Variants in AFAP1L2 observed in about 807,000 individuals in gnomAD.
AFAP1L2 encodes actin filament-associated protein 1-like 2.
A neutral mutation model predicts 99.3 loss-of-function variants in AFAP1L2; 46 were observed. That is an observed-to-expected ratio of 0.46 (90% confidence interval 0.37 to 0.59). The LOEUF is 0.59. Ranked by LOEUF, AFAP1L2 falls within the 20% of genes least tolerant of loss-of-function variation. The pLI, the probability that AFAP1L2 is intolerant of heterozygous loss-of-function variation, is 0.00. For synonymous variants in AFAP1L2, 397 were observed against 419.1 expected, an observed-to-expected ratio of 0.95 and a Z score of 0.64; for missense variants, 959 against 1,034.9, an observed-to-expected ratio of 0.93 and a Z score of 1.01.
At chr10:114,320,426 C>T (rs1379782945) in intron 5 of AFAP1L2, among the ~76,000 whole-genome samples, 1 of 152,240 alleles carries the variant, frequency 6.6e-6, no homozygotes, top group Non-Finnish European at 1.5e-5. Flanking sequence ...ACCTGCATGT[C>T]ACACTGTTTG....
intron 1 of AFAP1L2, among the ~76,000 whole-genome samples, chr10:114,344,879 C>T (rs1364029687): frequency 6.6e-6 from 1 of 152,078 alleles, no homozygotes; most frequent in African/African-American, 2.4e-5. Context: ...GGCGGATCAC[C>T]TGAGATCAGG....
At chr10:114,345,636 C>T (rs753517960) in intron 1 of AFAP1L2, among the ~76,000 whole-genome samples, 2 of 152,180 alleles carry the variant, frequency 1.3e-5, no homozygotes, top group Non-Finnish European at 1.5e-5. Context: ...TGATGAGTAG[C>T]GGCACGGGGG....
At chr10:114,395,121 T>C (rs2057558328) in intron 1 of AFAP1L2, among the ~76,000 whole-genome samples, 3 of 152,248 alleles carry the variant, frequency 2.0e-5, no homozygotes, top group African/African-American at 7.2e-5. Flanking sequence ...CACTTCACCA[T>C]CCTTTATTCT....
chr10:114,325,660 G>A (rs966429083), intron 4 of AFAP1L2, among the ~76,000 whole-genome samples: 1 of 152,212 alleles, frequency 6.6e-6, no homozygotes, highest in Non-Finnish European at 1.5e-5. Flanking sequence ...CTCCTGCCTG[G>A]CAGCCAGGCC....
the AFAP1L2 span, among the ~76,000 whole-genome samples, chr10:114,281,953 C>T: frequency 6.6e-6 from 1 of 151,138 alleles, no homozygotes. Flanking sequence ...AAAGCTGTTG[C>T]TACAGTTTGG....
intron 4 of AFAP1L2, among the ~76,000 whole-genome samples, chr10:114,330,411 T>C (rs10885552): frequency 0.59 from 89,375 of 152,140 alleles, 31,015 homozygotes; most frequent in East Asian, 0.92. Flanking sequence ...TCCCCAGCCA[T>C]GCCCTACAGA....
At chr10:114,379,161 C>T (rs1212599345) in intron 1 of AFAP1L2, among the ~76,000 whole-genome samples, 3 of 151,476 alleles carry the variant, frequency 2.0e-5, no homozygotes, top group African/African-American at 7.3e-5. Flanking sequence ...TGTAGTGAGC[C>T]GTGATCGCAC....
At chr10:114,320,937 G>A (rs1457525084) in intron 5 of AFAP1L2, among the ~76,000 whole-genome samples, 1 of 152,146 alleles carries the variant, frequency 6.6e-6, no homozygotes, top group East Asian at 1.9e-4. Context: ...GCACCACCTC[G>A]CATGCTCAGT....
At chr10:114,312,356 G>C (rs1012428711) in intron 7 of AFAP1L2, among the ~76,000 whole-genome samples, 1 of 152,088 alleles carries the variant, frequency 6.6e-6, no homozygotes, top group Non-Finnish European at 1.5e-5. Context: ...TTGTCCGTGT[G>C]TGTACAAATG....
At chr10:114,312,112 A>G (rs12260895) in intron 7 of AFAP1L2, among the ~76,000 whole-genome samples, 4,882 of 152,178 alleles carry the variant, frequency 0.032, 293 homozygotes, top group African/African-American at 0.11. Context: ...AGCAGAGGCT[A>G]TGGGGCCAGG....
At chr10:114,289,951 C>T (rs2039393193), downstream of AFAP1L2, 1 of 279,194 alleles carries the variant, frequency 3.6e-6, no homozygotes, top group Admixed American at 4.7e-5. Flanking sequence ...AAGATCGCGC[C>T]ATTGTACTCC....
chr10:114,297,459 A>G, intron 16 of AFAP1L2, 46 bp from the exon 17 acceptor site: 1 of 1,581,920 alleles, frequency 6.3e-7, no homozygotes, highest in South Asian at 1.1e-5. Context: ...ATCTCAGCCC[A>G]GGCCAGGGAG....
chr10:114,308,229 G>A (rs538511391), intron 9 of AFAP1L2, among the ~76,000 whole-genome samples: 1 of 152,206 alleles, frequency 6.6e-6, no homozygotes, highest in Non-Finnish European at 1.5e-5. Flanking sequence ...AGAGATGGAA[G>A]AACATTCTAT....
intron 1 of AFAP1L2, among the ~76,000 whole-genome samples, chr10:114,400,543 G>A (rs1482589769): frequency 1.3e-5 from 2 of 152,194 alleles, no homozygotes; most frequent in East Asian, 3.8e-4. Context: ...AGCTGAAGGT[G>A]ATTACAGTAG....
chr10:114,358,366 A>T (rs1263168505), intron 1 of AFAP1L2, among the ~76,000 whole-genome samples: 1 of 152,180 alleles, frequency 6.6e-6, no homozygotes, highest in Non-Finnish European at 1.5e-5. Context: ...ATGATGACAA[A>T]GGATATCTCA....
At chr10:114,309,233 TC>T (rs2134416514) in intron 8 of AFAP1L2, among the ~76,000 whole-genome samples, 1 of 152,200 alleles carries the variant, frequency 6.6e-6, no homozygotes, top group South Asian at 2.1e-4. Context: ...GCATGCCGAG[TC>T]TTTGAAGAAA....
the AFAP1L2 span, among the ~76,000 whole-genome samples, chr10:114,281,476 C>T: frequency 1.3e-5 from 2 of 152,332 alleles, no homozygotes; most frequent in East Asian, 1.9e-4. Context: ...ACCCATTTCC[C>T]TATCTGGAAC....
intron 10 of AFAP1L2, among the ~76,000 whole-genome samples, chr10:114,305,768 T>C (rs55987454): frequency 7.4e-4 from 34 of 45,800 alleles, no homozygotes; most frequent in Middle Eastern, 0.028. Flanking sequence ...ACAGGACTGG[T>C]CGGGGCTGCA....
rs553681121 is a variant in AFAP1L2 at position 114,310,627 on chromosome 10, C to G, written c.793-184G>C. Among the ~76,000 whole-genome samples, 6 of 152,346 alleles carry G rather than the reference C, an allele frequency of 3.9e-5. No individual in the cohort carries two copies. In the East Asian group the frequency reaches 1.2e-3, roughly 29 times the overall value. On this transcript the variant is annotated intron_variant, in intron 7 of 18. Transcript: ENST00000304129. ...GGCCTGCATGTGGCCTCAGACCCAG[C>G]TGGGCAGGCTGCAGTGGGGAGGGCT...
Sources: allele counts gnomAD v4.1 joint callset (sites outside exome capture counted in the v4.1 genomes callset), GRCh38; gene constraint gnomAD v4.1.1; transcripts MANE v1.5; gene names NCBI Gene and HGNC (gene_info 2026-07-23, HGNC 2026-07-21).